Variants in MARCHF11 observed in about 807,000 individuals in gnomAD.
MARCHF11 encodes the protein membrane associated ring-CH-type finger 11.
In MARCHF11, 29 loss-of-function variants were observed where a neutral mutation model predicts 37.3. That is an observed-to-expected ratio of 0.78 (90% CI 0.58 to 1.06). MARCHF11 has a LOEUF of 1.06. Ranked by LOEUF, MARCHF11 falls within the 50% of genes least tolerant of loss-of-function variation. The pLI is 0.00. For missense variants in MARCHF11, 482 were observed against 533.4 expected, an observed-to-expected ratio of 0.90 and a Z score of 0.95; for synonymous variants, 233 against 228.0, an observed-to-expected ratio of 1.02 and a Z score of -0.20.
intron 2 of MARCHF11, among the ~76,000 whole-genome samples, chr5:16,091,336 T>C (rs1298458826): frequency 6.6e-6 from 1 of 152,184 alleles, no homozygotes; most frequent in East Asian, 1.9e-4. Flanking sequence ...CAGATAATAG[T>C]ACTGAGTGTG....
chr5:16,076,407 A>T (rs1736519361), intron 3 of MARCHF11, among the ~76,000 whole-genome samples: 1 of 152,184 alleles, frequency 6.6e-6, no homozygotes, highest in Admixed American at 6.5e-5. Flanking sequence ...TTTTTCAATA[A>T]AAGAAATGAA....
rs1169810547 is a variant in MARCHF11, at chr5:16,090,979, C to T, written c.796G>A (p.Ala266Thr). The change falls in exon 3 of 4, where the codon GCC (alanine) becomes ACC (threonine). Residue 266 changes from alanine to threonine, a missense_variant. Coordinates refer to ENST00000332432, the MANE Select transcript of MARCHF11 (RefSeq NM_001102562.3). ...IASVTWLLWSAFSPYAVWQRK... is the reference protein window; with the variant it reads ...IASVTWLLWSTFSPYAVWQRK... ...TGCCACACTGCATAGGGGCTGAAGG[C>T]TGACCAGAGGAGCCAAGTCACACTG... The T allele has an allele frequency of 6.2e-7, 1 of 1,612,422 alleles. No homozygotes were observed. Among genetic ancestry groups the T allele is most frequent in the East Asian group, 2.2e-5 (1 of 44,800 alleles).
At chr5:16,087,103 C>T (rs1736712981) in intron 3 of MARCHF11, among the ~76,000 whole-genome samples, 1 of 152,148 alleles carries the variant, frequency 6.6e-6, no homozygotes, top group Admixed American at 6.5e-5. Flanking sequence ...ACAATCATGC[C>T]ATCTATTTAA....
intron 2 of MARCHF11, among the ~76,000 whole-genome samples, chr5:16,111,008 G>C (rs981142832): frequency 6.6e-6 from 1 of 152,172 alleles, no homozygotes; most frequent in African/African-American, 2.4e-5. Context: ...TTCTCATTCT[G>C]TCTCTTGCCT....
chr5:16,148,665 C>T (rs1737843985), intron 2 of MARCHF11, among the ~76,000 whole-genome samples: 2 of 152,156 alleles, frequency 1.3e-5, no homozygotes, highest in Non-Finnish European at 2.9e-5. Flanking sequence ...GTAGCAGCCA[C>T]ACTTCTTAAG....
At chr5:16,093,764 A>T (rs1333227958) in intron 2 of MARCHF11, among the ~76,000 whole-genome samples, 1 of 152,222 alleles carries the variant, frequency 6.6e-6, no homozygotes, top group Admixed American at 6.5e-5. Flanking sequence ...GGAGGCAAGG[A>T]AAAAAAGAAC....
chr5:16,146,604 C>T (rs1054016023), intron 2 of MARCHF11, among the ~76,000 whole-genome samples: 46 of 152,146 alleles, frequency 3.0e-4, no homozygotes, highest in Non-Finnish European at 2.9e-5. Flanking sequence ...GTCTAAGGTA[C>T]TTGCAGCTCC....
chr5:16,144,670 G>A lies in MARCHF11; in HGVS notation c.693+33056C>T, dbSNP rs561290189. On this transcript the variant is annotated intron_variant, in intron 2 of 3. Transcript: ENST00000332432. ...GTACAGATATGAGTCACATGGCTCC[G>A]CACCCAGTGAAATTATACCAAAATG... 5.9e-4 allele frequency among the ~76,000 whole-genome samples: 90 copies of A among 152,226 alleles called. 1 individual carries two copies. The highest frequency in any genetic ancestry group is 2.0e-3 in the African/African-American group (83 of 41,530).
intron 3 of MARCHF11, among the ~76,000 whole-genome samples, chr5:16,076,953 T>C (rs1398752243): frequency 6.6e-6 from 1 of 152,214 alleles, no homozygotes; most frequent in Non-Finnish European, 1.5e-5. Context: ...AAAATCTCTT[T>C]TCTGTAACAG....
chr5:16,075,039 T>C (rs2126545362), intron 3 of MARCHF11, among the ~76,000 whole-genome samples: 1 of 152,338 alleles, frequency 6.6e-6, no homozygotes, highest in South Asian at 2.1e-4. Flanking sequence ...AAAGCCCAAT[T>C]GTCAGATGGA....
intron 2 of MARCHF11, among the ~76,000 whole-genome samples, chr5:16,092,196 C>T (rs1287255705): frequency 6.6e-6 from 1 of 152,070 alleles, no homozygotes; most frequent in Non-Finnish European, 1.5e-5. Context: ...TTGTCTGTCT[C>T]TCTGTCACTC....
rs549144362 is a variant in MARCHF11, at chr5:16,084,998, G to A, written c.886+5891C>T. ...ATCAATCAGGGATCAGAGTGAGTGT[G>A]TGTGTGTGTGTGTGCGCCTATATCT... On this transcript the variant is annotated intron_variant, in intron 3 of 3. Coordinates refer to ENST00000332432, the MANE Select transcript of MARCHF11 (RefSeq NM_001102562.3). 7.5e-3 allele frequency among the ~76,000 whole-genome samples: 1,145 copies of A among 151,786 alleles called. 8 individuals are homozygous for A. Among genetic ancestry groups the A allele is most frequent in the Non-Finnish European group, 0.013 (889 of 67,948 alleles).
chr5:16,128,147 T>TGCAG (rs1305551214), intron 2 of MARCHF11, among the ~76,000 whole-genome samples: 1 of 152,146 alleles, frequency 6.6e-6, no homozygotes, highest in Non-Finnish European at 1.5e-5. Context: ...TCAGGGCTGA[T>TGCAG]GCAGGCTACC....
At position 16,067,821 on chromosome 5, in the gene MARCHF11, A is replaced by G. The variant is rs1279966556; in HGVS notation, c.887-28T>C. On this transcript the variant is annotated intron_variant, in intron 3 of 3. Transcript: ENST00000332432. Reference sequence around the variant, plus strand: ...AAAATTTGAGAAAATAAAAAACCAAAAAGACTGGTGATAATCCAAGGCTGG... The same window carrying G: ...AAAATTTGAGAAAATAAAAAACCAAGAAGACTGGTGATAATCCAAGGCTGG... The G allele has an allele frequency of 2.5e-6, 4 of 1,575,532 alleles. No individual in the cohort carries two copies. The African/African-American group carries it at 4.1e-5, about 16-fold the overall frequency.
intron 2 of MARCHF11, among the ~76,000 whole-genome samples, chr5:16,167,724 T>G (rs543037990): frequency 2.0e-5 from 3 of 152,132 alleles, no homozygotes; most frequent in Non-Finnish European, 2.9e-5. Context: ...AACTACTTTT[T>G]GTATTTATTT....
intron 2 of MARCHF11, among the ~76,000 whole-genome samples, chr5:16,170,322 T>G (rs1183738409): frequency 2.0e-5 from 3 of 152,142 alleles, no homozygotes; most frequent in African/African-American, 7.2e-5. Flanking sequence ...ACAGACTTTT[T>G]TCATGACATT....
chr5:16,098,239 T>C (rs1311870578), intron 2 of MARCHF11, among the ~76,000 whole-genome samples: 1 of 152,200 alleles, frequency 6.6e-6, no homozygotes, highest in Non-Finnish European at 1.5e-5. Context: ...ATCTTTTCTC[T>C]GATCAGGAAC....
At chr5:16,172,305 C>T (rs344708) in intron 2 of MARCHF11, among the ~76,000 whole-genome samples, 74,830 of 152,014 alleles carry the variant, frequency 0.49, 19,588 homozygotes, top group Middle Eastern at 0.58. Context: ...AAAATTAACT[C>T]CTAAGGTGAG....
At chr5:16,125,137 C>T (rs2126579837) in intron 2 of MARCHF11, among the ~76,000 whole-genome samples, 1 of 151,532 alleles carries the variant, frequency 6.6e-6, no homozygotes, top group East Asian at 1.9e-4. Flanking sequence ...TTAAGCCATA[C>T]ATCGTAATTT....
Sources: allele counts gnomAD v4.1 joint callset (sites outside exome capture counted in the v4.1 genomes callset), GRCh38; gene constraint gnomAD v4.1.1; transcripts MANE v1.5; gene names NCBI Gene and HGNC (gene_info 2026-07-23, HGNC 2026-07-21).